The following ZNF704 variants were observed in gnomAD, a reference collection of about 807,000 sequenced individuals.
ZNF704 encodes the protein glucocorticoid induced gene 1.
ZNF704 carries 10 observed loss-of-function variants against 44.7 expected under a neutral mutation model. That is an observed-to-expected ratio of 0.22 (90% CI 0.14 to 0.38). The LOEUF (loss-of-function observed/expected upper bound fraction) is 0.38. ZNF704 is among the 10% of genes least tolerant of loss of function. The pLI is 1.00. For missense variants in ZNF704, 390 were observed against 545.5 expected, an observed-to-expected ratio of 0.71 and a Z score of 2.84; for synonymous variants, 211 against 207.6, an observed-to-expected ratio of 1.02 and a Z score of -0.14.
chr8:80,718,416 C>T (rs1363518837), intron 2 of ZNF704, among the ~76,000 whole-genome samples: 1 of 152,182 alleles, frequency 6.6e-6, no homozygotes, highest in Non-Finnish European at 1.5e-5. Context: ...TGTAGTTTCT[C>T]CCTCTAGAGG....
At chr8:80,769,331 T>G (rs1807280449) in intron 2 of ZNF704, among the ~76,000 whole-genome samples, 1 of 152,232 alleles carries the variant, frequency 6.6e-6, no homozygotes, top group Non-Finnish European at 1.5e-5. Context: ...AGTTCCCATG[T>G]ATAATTCACC....
intron 5 of ZNF704, 133 bp downstream of exon 5, chr8:80,670,370 C>T (rs532094174): frequency 6.2e-6 from 4 of 647,938 alleles, no homozygotes; most frequent in South Asian, 6.0e-5. Flanking sequence ...GGCCATCTCT[C>T]TAGAGATTAG....
intron 1 of ZNF704, among the ~76,000 whole-genome samples, chr8:80,844,609 A>C (rs1400095250): frequency 1.3e-5 from 2 of 151,992 alleles, no homozygotes; most frequent in East Asian, 3.8e-4. Flanking sequence ...TTACCATTAC[A>C]CTCTGGAAGT....
chr8:80,764,601 T>G (rs1435860665), intron 2 of ZNF704, among the ~76,000 whole-genome samples: 1 of 152,182 alleles, frequency 6.6e-6, no homozygotes, highest in Admixed American at 6.5e-5. Flanking sequence ...TTTCACTTCT[T>G]CCATGATCTT....
At chr8:80,828,282 G>A (rs1036148793) in intron 1 of ZNF704, among the ~76,000 whole-genome samples, 2 of 152,220 alleles carry the variant, frequency 1.3e-5, no homozygotes, top group Non-Finnish European at 1.5e-5. Flanking sequence ...GATTATGGTG[G>A]GAGACAAATA....
chr8:80,648,515 C>T (rs766077539), intron 7 of ZNF704, among the ~76,000 whole-genome samples: 2 of 152,074 alleles, frequency 1.3e-5, no homozygotes, highest in Non-Finnish European at 1.5e-5. Context: ...TCAGTGCTTG[C>T]GAATGTGAAA....
chr8:80,750,999 A>G (rs1291328543), intron 2 of ZNF704, among the ~76,000 whole-genome samples: 1 of 152,206 alleles, frequency 6.6e-6, no homozygotes, highest in Non-Finnish European at 1.5e-5. Flanking sequence ...ATATTTATGA[A>G]CGAATCACTC....
intron 4 of ZNF704, among the ~76,000 whole-genome samples, chr8:80,676,013 T>C (rs1390041772): frequency 6.6e-6 from 1 of 152,128 alleles, no homozygotes; most frequent in African/African-American, 2.4e-5. Flanking sequence ...CAGCAGATCA[T>C]GATATTAAAA....
At chr8:80,780,869 T>A (rs1398985480) in intron 2 of ZNF704, among the ~76,000 whole-genome samples, 1 of 152,134 alleles carries the variant, frequency 6.6e-6, no homozygotes, top group African/African-American at 2.4e-5. Flanking sequence ...GTTGGTCAGG[T>A]CAACCCACAG....
chr8:80,783,259 A>C lies in ZNF704; in HGVS notation c.221+38115T>G, dbSNP rs112675758. 4.8e-3 allele frequency among the ~76,000 whole-genome samples: 735 copies of C among 152,304 alleles called. 9 individuals carry two copies. Among genetic ancestry groups the C allele is most frequent in the African/African-American group, 0.016 (679 of 41,570 alleles). ...CTGTCCATCTAAGAAAGACCACAAC[A>C]TTCAACTGTAGGAGTTTGAAGCCAT... On this transcript the variant is annotated intron_variant, in intron 2 of 8. Transcript: ENST00000327835.
intron 2 of ZNF704, among the ~76,000 whole-genome samples, chr8:80,806,789 A>G (rs7833673): frequency 0.21 from 32,424 of 152,202 alleles, 4,839 homozygotes; most frequent in African/African-American, 0.43. Flanking sequence ...GACTGGTTAA[A>G]GAAAAGGCTG....
chr8:80,668,127 T>C (rs1431682724), intron 5 of ZNF704, among the ~76,000 whole-genome samples: 1 of 152,208 alleles, frequency 6.6e-6, no homozygotes, highest in African/African-American at 2.4e-5. Context: ...CCCTATAATG[T>C]CAGAAAATGT....
upstream of ZNF704, among the ~76,000 whole-genome samples, chr8:80,876,711 G>T (rs185500628): frequency 1.2e-3 from 190 of 152,312 alleles, 2 homozygotes; most frequent in Admixed American, 2.7e-3. Flanking sequence ...GTGAATAAAT[G>T]CAATCAGCTT....
At chr8:80,753,644 A>G (rs1806985989) in intron 2 of ZNF704, among the ~76,000 whole-genome samples, 1 of 152,204 alleles carries the variant, frequency 6.6e-6, no homozygotes, top group Non-Finnish European at 1.5e-5. Flanking sequence ...AACGAGTAAA[A>G]TGTGTCCTAC....
intron 1 of ZNF704, among the ~76,000 whole-genome samples, chr8:80,871,063 T>C (rs1312186502): frequency 3.3e-5 from 5 of 152,088 alleles, no homozygotes. Flanking sequence ...ATCCTCACAA[T>C]AGATTCTGAA....
chr8:80,734,628 GT>G (rs1806635535), intron 2 of ZNF704, among the ~76,000 whole-genome samples: 1 of 152,180 alleles, frequency 6.6e-6, no homozygotes, highest in South Asian at 2.1e-4. Context: ...CTTATTTCCT[GT>G]TGAAATACAG....
chr8:80,753,613 C>T (rs1806985443), intron 2 of ZNF704, among the ~76,000 whole-genome samples: 1 of 152,176 alleles, frequency 6.6e-6, no homozygotes, highest in Non-Finnish European at 1.5e-5. Context: ...GAATGGAATG[C>T]TTTTTTCCCC....
intron 1 of ZNF704, among the ~76,000 whole-genome samples, chr8:80,836,004 G>A (rs1339753881): frequency 2.6e-5 from 4 of 151,978 alleles, no homozygotes; most frequent in East Asian, 1.9e-4. Flanking sequence ...CTCCCTCCCC[G>A]GAGCCCTGTT....
chr8:80,750,139 T>C (rs1280959797), intron 2 of ZNF704, among the ~76,000 whole-genome samples: 2 of 152,150 alleles, frequency 1.3e-5, no homozygotes, highest in African/African-American at 2.4e-5. Context: ...AGCCAAGGTA[T>C]GGTCTCACAG....
Sources: gnomAD v4.1 joint callset for allele counts (sites outside exome capture counted in the v4.1 genomes callset) on GRCh38, gnomAD v4.1.1 for gene constraint, MANE v1.5 for transcripts, NCBI Gene and HGNC (gene_info 2026-07-23, HGNC 2026-07-21) for gene names.